DMGDH: variants seen among roughly 807,000 people sequenced by gnomAD.
DMGDH encodes dimethylglycine dehydrogenase.
In DMGDH, 76 loss-of-function variants were observed where a neutral mutation model predicts 95.2. That is an observed-to-expected ratio of 0.80 (90% CI 0.66 to 0.97). The LOEUF is 0.97. DMGDH is among the 50% of genes least tolerant of loss of function. The pLI, the probability that DMGDH is intolerant of heterozygous loss-of-function variation, is 0.00. For missense variants in DMGDH, 987 were observed against 1,055.0 expected (o/e 0.94, Z 0.89); for synonymous variants, 345 against 377.6 (o/e 0.91, Z 1.00).
chr5:79,064,994 C>A (rs1164010354), intron 1 of DMGDH, among the ~76,000 whole-genome samples: 1 of 152,050 alleles, frequency 6.6e-6, no homozygotes, highest in Non-Finnish European at 1.5e-5. Flanking sequence ...AAGTGATCCT[C>A]CAGCCTTGGC....
chr5:79,066,543 C>T (rs1320051021), intron 1 of DMGDH, among the ~76,000 whole-genome samples: 1 of 151,948 alleles, frequency 6.6e-6, no homozygotes. Context: ...ATCCGCCTGC[C>T]TCAGCCTCCC....
chr5:79,006,974 C>T (rs1023487057), intron 14 of DMGDH, among the ~76,000 whole-genome samples: 4 of 152,078 alleles, frequency 2.6e-5, no homozygotes, highest in African/African-American at 4.8e-5. Flanking sequence ...TTCCATTAGC[C>T]GAGGTTAAAA....
At chr5:79,003,879 G>A (rs1406510701) in intron 15 of DMGDH, among the ~76,000 whole-genome samples, 6 of 152,074 alleles carry the variant, frequency 3.9e-5, no homozygotes, top group Non-Finnish European at 8.8e-5. Flanking sequence ...CCCGGGAAGC[G>A]GAGGTTGCAG....
intron 2 of DMGDH, among the ~76,000 whole-genome samples, chr5:79,059,471 C>T (rs1294234276): frequency 6.6e-6 from 1 of 152,184 alleles, no homozygotes; most frequent in Non-Finnish European, 1.5e-5. Context: ...ATTTCATGTT[C>T]TTGTGTCTGC....
At chr5:79,036,065 G>A (rs1166218030) in intron 7 of DMGDH, among the ~76,000 whole-genome samples, 1 of 152,190 alleles carries the variant, frequency 6.6e-6, no homozygotes, top group Admixed American at 6.5e-5. Flanking sequence ...GTGACCTTGG[G>A]CAAGTTATGT....
At chr5:79,033,142 G>A (rs1041498926) in intron 8 of DMGDH, 97 bp downstream of exon 8, 16 of 1,488,250 alleles carry the variant, frequency 1.1e-5, no homozygotes, top group Admixed American at 3.4e-5. Flanking sequence ...CCTAACTACC[G>A]CCATCCCAGT....
chr5:79,025,405 G>T (rs1474584622), intron 13 of DMGDH, among the ~76,000 whole-genome samples: 3 of 152,072 alleles, frequency 2.0e-5, no homozygotes, highest in African/African-American at 7.2e-5. Context: ...CCCCTAATAG[G>T]GGATCTCTCG....
chr5:79,053,210 T>C (rs1385326184), intron 4 of DMGDH, among the ~76,000 whole-genome samples: 1 of 152,156 alleles, frequency 6.6e-6, no homozygotes, highest in Non-Finnish European at 1.5e-5. Flanking sequence ...TGGAGTGCAG[T>C]AGTGTAATCA....
chr5:79,056,048 G>A (rs1453323136), intron 2 of DMGDH, 140 bp from the exon 3 acceptor site: 2 of 660,568 alleles, frequency 3.0e-6, no homozygotes, highest in Non-Finnish European at 5.4e-6. Context: ...GAACACATCA[G>A]CACCAGTTTG....
intron 7 of DMGDH, among the ~76,000 whole-genome samples, chr5:79,035,208 A>G (rs1227227300): frequency 6.6e-6 from 1 of 152,236 alleles, no homozygotes; most frequent in African/African-American, 2.4e-5. Context: ...TATTAAATAT[A>G]TGCTTAAAAT....
At chr5:79,008,562 A>C (rs1361794489) in intron 14 of DMGDH, among the ~76,000 whole-genome samples, 3 of 152,118 alleles carry the variant, frequency 2.0e-5, no homozygotes, top group Admixed American at 6.5e-5. Context: ...GATGTGGTGG[A>C]AGCTGGCCAT....
intron 2 of DMGDH, among the ~76,000 whole-genome samples, chr5:79,057,275 AG>A (rs1428759240): frequency 6.6e-6 from 1 of 152,224 alleles, no homozygotes. Flanking sequence ...TATTTGAAGC[AG>A]GTTCTCTCAA....
At position 79,033,230 on chromosome 5, in the gene DMGDH, G is replaced by C; in HGVS notation, c.1363+9C>G. The C allele has an allele frequency of 6.2e-7, 1 of 1,613,982 alleles. No homozygotes were observed. Among genetic ancestry groups the C allele is most frequent in the Non-Finnish European group, 8.5e-7 (1 of 1,179,964 alleles). ...ACACTTTGTAGACAACAGTACATTT[G>C]TACCTTACCAATATTGTTGAATCCA... On this transcript the variant is annotated intron_variant, in intron 8 of 15. Transcript: ENST00000255189.
intron 2 of DMGDH, among the ~76,000 whole-genome samples, chr5:79,057,616 C>T (rs1755069235): frequency 6.6e-6 from 1 of 152,040 alleles, no homozygotes; most frequent in African/African-American, 2.4e-5. Flanking sequence ...TACAATGCAC[C>T]TGTAAGCCAA....
intron 5 of DMGDH, among the ~76,000 whole-genome samples, chr5:79,046,234 C>T (rs1490490321): frequency 6.6e-6 from 1 of 151,740 alleles, no homozygotes; most frequent in African/African-American, 2.4e-5. Flanking sequence ...TTACAGGTAT[C>T]CGCCGCCATG....
At chr5:79,006,043 CT>C (rs1753540930) in intron 14 of DMGDH, among the ~76,000 whole-genome samples, 1 of 126,916 alleles carries the variant, frequency 7.9e-6, no homozygotes, top group Admixed American at 9.3e-5. Flanking sequence ...TAATACTGTG[CT>C]TTTCAACCTT....
chr5:79,063,584 C>T (rs1489616288), intron 2 of DMGDH, 29 bp downstream of exon 2: 1 of 1,613,996 alleles, frequency 6.2e-7, no homozygotes, highest in Non-Finnish European at 8.5e-7. Flanking sequence ...CAATTCCACG[C>T]TTATGACAGT....
At position 79,032,693 on chromosome 5, in the gene DMGDH, T is replaced by C; in HGVS notation, c.1511A>G (p.Gln504Arg). The C allele has an allele frequency of 6.2e-7, 1 of 1,614,174 alleles. No individual in the cohort carries two copies. Among genetic ancestry groups the C allele is most frequent in the Middle Eastern group, 1.6e-4 (1 of 6,062 alleles). ...GGTAAAGTCCTTCTCCCACCTGTACTGAGTGTCCTGGCCTGGTTTGTAGAA... is the reference window on the plus strand; with the variant it reads ...GGTAAAGTCCTTCTCCCACCTGTACCGAGTGTCCTGGCCTGGTTTGTAGAA... The part of the protein sequence containing the change: ...HWFYKPGQDT[Q>R]YRPSFRRTNW... The change falls in exon 9 of 16, where the codon CAG (glutamine) becomes CGG (arginine). Residue 504 changes from glutamine to arginine, a missense_variant. Coordinates refer to ENST00000255189, the MANE Select transcript of DMGDH (RefSeq NM_013391.3).
rs185152758 is a variant in DMGDH, at chr5:79,024,084, C to T, written c.2250+187G>A. Among the ~76,000 whole-genome samples the T allele has an allele frequency of 1.3e-4, 20 of 152,278 alleles. 1 individual carries two copies. In the East Asian group the frequency reaches 3.9e-3, roughly 29 times the overall value. ...GCTATCTTAAATCTGTAAGCACACT[C>T]CAATAGTTTGAACTAAGCAAATGTT... On this transcript the variant is annotated intron_variant, in intron 14 of 15. Transcript: ENST00000255189.
Sources: gnomAD v4.1 joint callset for allele counts (sites outside exome capture counted in the v4.1 genomes callset) on GRCh38, gnomAD v4.1.1 for gene constraint, MANE v1.5 for transcripts, NCBI Gene and HGNC (gene_info 2026-07-23, HGNC 2026-07-21) for gene names.